The following CAPN9 variants were observed in gnomAD, a reference collection of about 807,000 sequenced individuals.
CAPN9 encodes calpain-9.
Under a neutral mutation model 92.8 loss-of-function variants are expected in CAPN9, and 81 were observed. The ratio of observed to expected loss-of-function variants is 0.87; its 90% CI spans 0.73 to 1.05. The LOEUF is 1.05. Ranked by LOEUF, CAPN9 falls within the 50% of genes least tolerant of loss-of-function variation. The pLI, the probability that CAPN9 is intolerant of heterozygous loss-of-function variation, is 0.00. For synonymous variants in CAPN9, 304 were observed against 328.0 expected (o/e 0.93, Z 0.79); for missense variants, 848 against 866.2 (o/e 0.98, Z 0.26).
At chr1:230,747,964 G>C (rs1023736289) in intron 1 of CAPN9, among the ~76,000 whole-genome samples, 1 of 152,152 alleles carries the variant, frequency 6.6e-6, no homozygotes, top group African/African-American at 2.4e-5. Context: ...CTCCCACCGA[G>C]GCTGAGGACC....
chr1:230,780,182 C>A lies in CAPN9; in HGVS notation c.1118C>A (p.Thr373Asn), dbSNP rs201808100. The change falls in exon 10 of 20, where the codon ACC becomes AAC. Residue 373 changes from threonine (T) to asparagine (N), a missense_variant. Physicochemically the swap from Thr to Asn is moderately conservative, Grantham distance 65 (BLOSUM62 0). Transcript: ENST00000271971. ...TAGGCRNFLD[T>N]FWTNPQIKLS... is the part of the protein sequence containing the mutation. ...ATCTACCTCTCCCAAATGACAGATACCTTTTGGACCAATCCACAAATAAAA... is the reference window on the plus strand; with the variant it reads ...ATCTACCTCTCCCAAATGACAGATAACTTTTGGACCAATCCACAAATAAAA... 95 of 1,606,996 alleles carry A rather than the reference C, an allele frequency of 5.9e-5. No homozygotes were observed. In the East Asian group the frequency reaches 1.8e-3, roughly 30 times the overall value.
At chr1:230,751,598 AAAGAAAGAAAG>A in intron 1 of CAPN9, among the ~76,000 whole-genome samples, 1 of 11,950 alleles carries the variant, frequency 8.4e-5, no homozygotes, top group East Asian at 2.7e-3. Flanking sequence ...AGAAAGAAAG[AAAGAAAGAAAG>A]AGAAAGAAAG....
intron 4 of CAPN9, 24 bp from the exon 5 acceptor site, chr1:230,767,517 C>T: frequency 1.3e-6 from 2 of 1,584,308 alleles, no homozygotes; most frequent in Non-Finnish European, 1.7e-6. Context: ...TGACTCTCTC[C>T]TCTCTCTCTT....
intron 19 of CAPN9, among the ~76,000 whole-genome samples, chr1:230,800,711 A>G (rs1394792017): frequency 6.6e-6 from 1 of 152,170 alleles, no homozygotes. Context: ...AAAAATCCTG[A>G]TACCCCAGCC....
chr1:230,756,962 A>G (rs1006406156), intron 2 of CAPN9, among the ~76,000 whole-genome samples: 1 of 150,778 alleles, frequency 6.6e-6, no homozygotes, highest in African/African-American at 2.4e-5. Flanking sequence ...AAAGGAAAAA[A>G]AGGAAGGAAA....
At position 230,747,464 on chromosome 1, in the gene CAPN9, G is replaced by A. The variant is rs908697079; in HGVS notation, c.-33G>A. Reference sequence around the variant, plus strand: ...TTCTTCACTTTCTTTTCCATCCACTGCCGGACCCAAGCCAGCCTTCCAGGG... The same window carrying A: ...TTCTTCACTTTCTTTTCCATCCACTACCGGACCCAAGCCAGCCTTCCAGGG... On this transcript the variant is annotated 5_prime_UTR_variant, in exon 1 of 20. Transcript: ENST00000271971. 1.9e-6 allele frequency: 3 copies of A among 1,586,446 alleles called. No individual in the cohort carries two copies. The highest frequency in any genetic ancestry group is 2.6e-6 in the Non-Finnish European group (3 of 1,155,654).
At chr1:230,766,825 A>G (rs1666012893) in intron 4 of CAPN9, among the ~76,000 whole-genome samples, 1 of 152,128 alleles carries the variant, frequency 6.6e-6, no homozygotes, top group African/African-American at 2.4e-5. Context: ...CACATCTTAC[A>G]TGGATGGTGG....
chr1:230,767,203 C>G (rs1666041497), intron 4 of CAPN9, among the ~76,000 whole-genome samples: 1 of 152,078 alleles, frequency 6.6e-6, no homozygotes, highest in Admixed American at 6.5e-5. Flanking sequence ...ACTCTCTCCC[C>G]CATTTTGCAT....
intron 3 of CAPN9, among the ~76,000 whole-genome samples, chr1:230,760,326 G>A (rs763953784): frequency 3.3e-5 from 5 of 152,140 alleles, no homozygotes; most frequent in Non-Finnish European, 5.9e-5. Context: ...AGGAGAGACT[G>A]ACAGTTCCCT....
intron 19 of CAPN9, among the ~76,000 whole-genome samples, chr1:230,800,900 C>G (rs181173446): frequency 1.3e-5 from 2 of 152,256 alleles, no homozygotes; most frequent in Non-Finnish European, 2.9e-5. Context: ...CTGAGTTGGC[C>G]TCACCTGCAA....
Position 230,769,274 on chromosome 1 carries a change from T to C in CAPN9, c.789+11T>C. The C allele has an allele frequency of 6.3e-7, 1 of 1,598,940 alleles. No individual in the cohort carries two copies. The highest frequency in any genetic ancestry group is 8.6e-7 in the Non-Finnish European group (1 of 1,166,422). On this transcript the variant is annotated intron_variant, in intron 6 of 19. Transcript: ENST00000271971. Reference sequence around the variant, plus strand: ...ACGGGAATTGACCAGGTAGGCGACTTGAACTCCAACTGCAGGCTATGGGGA... The same window carrying C: ...ACGGGAATTGACCAGGTAGGCGACTCGAACTCCAACTGCAGGCTATGGGGA...
Position 230,767,609 on chromosome 1 carries a change from G to T in CAPN9, c.605G>T (p.Gly202Val). The T allele has an allele frequency of 6.8e-6, 11 of 1,613,894 alleles. No homozygotes were observed. The highest frequency in any genetic ancestry group is 9.3e-6 in the Non-Finnish European group (11 of 1,179,870). ...AIEAMEDFTG[G>V]VAETFQTKEA... The stretch of plus-strand genomic sequence containing the variant: ...GAGGCCATGGAAGACTTCACTGGGG[G>T]TGTGGCAGAGACCTTCCAAACTAAA... The change falls in exon 5 of 20, where the codon GGT becomes GTT. Residue 202 changes from glycine (G) to valine (V), a missense_variant. Physicochemically the swap from Gly to Val is moderately radical, Grantham distance 109. Transcript: ENST00000271971.
chr1:230,778,163 C>A (rs1442191458), intron 8 of CAPN9, among the ~76,000 whole-genome samples: 1 of 152,172 alleles, frequency 6.6e-6, no homozygotes, highest in Non-Finnish European at 1.5e-5. Flanking sequence ...TCCAGTCACT[C>A]AAATCAAACA....
At chr1:230,756,765 G>A (rs764451296) in intron 2 of CAPN9, among the ~76,000 whole-genome samples, 2 of 151,994 alleles carry the variant, frequency 1.3e-5, no homozygotes, top group East Asian at 1.9e-4. Context: ...GTGAGGGCTC[G>A]CCTCTACTAA....
chr1:230,778,595 C>A (rs1666985745), intron 8 of CAPN9, among the ~76,000 whole-genome samples: 1 of 152,158 alleles, frequency 6.6e-6, no homozygotes, highest in South Asian at 2.1e-4. Flanking sequence ...TCTGCCTAGA[C>A]CCCCAGAGAG....
At chr1:230,792,554 G>C in intron 16 of CAPN9, 60 bp downstream of exon 16, 1 of 1,334,098 alleles carries the variant, frequency 7.5e-7, no homozygotes, top group African/African-American at 1.4e-5. Context: ...GAGCAGAGGG[G>C]ATTTAAAATG....
At chr1:230,752,010 A>G (rs1005087947) in intron 1 of CAPN9, among the ~76,000 whole-genome samples, 1 of 152,142 alleles carries the variant, frequency 6.6e-6, no homozygotes, top group African/African-American at 2.4e-5. Flanking sequence ...CCCCTTCCTC[A>G]TGGCCTCCCA....
intron 18 of CAPN9, among the ~76,000 whole-genome samples, chr1:230,797,179 G>T (rs542545250): frequency 1.3e-5 from 2 of 152,228 alleles, no homozygotes; most frequent in South Asian, 4.1e-4. Context: ...ACGCAAATTC[G>T]CCAGGTGTTT....
intron 5 of CAPN9, among the ~76,000 whole-genome samples, chr1:230,768,565 G>C (rs190827329): frequency 2.5e-3 from 360 of 141,364 alleles, no homozygotes; most frequent in Non-Finnish European, 3.2e-3. Context: ...TTCATTTCAT[G>C]TACTATGAAA....
Sources: gnomAD v4.1 joint callset for allele counts (sites outside exome capture counted in the v4.1 genomes callset) on GRCh38, gnomAD v4.1.1 for gene constraint, MANE v1.5 for transcripts, NCBI Gene and HGNC (gene_info 2026-07-23, HGNC 2026-07-21) for gene names.